Variants in IGF1R observed in about 807,000 individuals in gnomAD.
IGF1R encodes the protein insulin-like growth factor 1 receptor.
Under a neutral mutation model 144.6 loss-of-function variants are expected in IGF1R, and 44 were observed. That is an observed-to-expected ratio of 0.30 (90% CI 0.24 to 0.39). IGF1R has a LOEUF of 0.39. Ranked by LOEUF, IGF1R falls within the 10% of genes least tolerant of loss-of-function variation. The pLI, the probability that IGF1R is intolerant of heterozygous loss-of-function variation, is 1.00. For synonymous variants in IGF1R, 795 were observed against 722.8 expected (o/e 1.10, Z -1.60); for missense variants, 1,355 against 1,833.7 (o/e 0.74, Z 4.77).
intron 2 of IGF1R, among the ~76,000 whole-genome samples, chr15:98,768,403 T>G (rs2055490557): frequency 6.6e-6 from 1 of 151,360 alleles, no homozygotes; most frequent in Non-Finnish European, 1.5e-5. Context: ...GATCATGCTG[T>G]CAGGAGATCG....
At chr15:98,952,303 AACACACACACACAC>A (rs143223923) in intron 20 of IGF1R, among the ~76,000 whole-genome samples, 1 of 146,678 alleles carries the variant, frequency 6.8e-6, no homozygotes, top group East Asian at 2.0e-4. Context: ...GTACCCCACC[AACACACACACACAC>A]ACACACACAC....
chr15:98,691,933 A>G (rs933819633), intron 1 of IGF1R, among the ~76,000 whole-genome samples: 1 of 152,184 alleles, frequency 6.6e-6, no homozygotes, highest in African/African-American at 2.4e-5. Context: ...CTGTACACAT[A>G]TGCTCCTCCC....
intron 2 of IGF1R, among the ~76,000 whole-genome samples, chr15:98,828,866 T>A (rs756943559): frequency 9.2e-5 from 14 of 151,880 alleles, no homozygotes; most frequent in Non-Finnish European, 1.5e-4. Context: ...ATTTGTTCAT[T>A]TATATCCCAG....
intron 2 of IGF1R, among the ~76,000 whole-genome samples, chr15:98,767,329 G>T (rs1170133662): frequency 1.3e-5 from 2 of 152,140 alleles, no homozygotes; most frequent in African/African-American, 4.8e-5. Context: ...CTCATTCTGT[G>T]CTGCAGTTTG....
intron 15 of IGF1R, among the ~76,000 whole-genome samples, chr15:98,933,788 C>T (rs1041275124): frequency 6.6e-6 from 1 of 152,108 alleles, no homozygotes; most frequent in African/African-American, 2.4e-5. Context: ...AACGCCTCTG[C>T]CCGTCCGCTG....
At chr15:98,660,653 A>G (rs2052577983) in intron 1 of IGF1R, 1 of 152,224 alleles carries the variant, frequency 6.6e-6, no homozygotes, top group Non-Finnish European at 1.5e-5. Context: ...TGAAAGCAAT[A>G]AAATTATCTT....
At chr15:98,875,830 G>A (rs536830942) in intron 2 of IGF1R, among the ~76,000 whole-genome samples, 12 of 152,294 alleles carry the variant, frequency 7.9e-5, no homozygotes, top group South Asian at 2.1e-4. Flanking sequence ...CTCTCTAAGC[G>A]TGACCTCCTT....
chr15:98,650,251 C>T (rs367861516), intron 1 of IGF1R, among the ~76,000 whole-genome samples: 14 of 152,324 alleles, frequency 9.2e-5, no homozygotes, highest in African/African-American at 2.4e-4. Flanking sequence ...TCCAAGCGCC[C>T]GTCGCTGCCT....
intron 2 of IGF1R, among the ~76,000 whole-genome samples, chr15:98,726,770 A>C (rs2054372762): frequency 7.9e-6 from 1 of 126,506 alleles, no homozygotes. Flanking sequence ...CCCCGGCTGG[A>C]GTGCAATGGT....
chr15:98,912,425 T>A (rs1049710661), intron 7 of IGF1R, among the ~76,000 whole-genome samples: 1 of 152,220 alleles, frequency 6.6e-6, no homozygotes, highest in African/African-American at 2.4e-5. Context: ...TGTCCAGCCC[T>A]TTTAGCTGAT....
intron 2 of IGF1R, among the ~76,000 whole-genome samples, chr15:98,840,698 T>C (rs1198450830): frequency 7.0e-6 from 1 of 143,734 alleles, no homozygotes; most frequent in Admixed American, 7.0e-5. Context: ...TTTTTTGAGG[T>C]GGAGTCTTGC....
At chr15:98,826,366 A>T (rs1472521230) in intron 2 of IGF1R, among the ~76,000 whole-genome samples, 1 of 152,254 alleles carries the variant, frequency 6.6e-6, no homozygotes, top group Non-Finnish European at 1.5e-5. Context: ...CCATGTTGCA[A>T]CTTAAATATT....
At chr15:98,746,907 ACT>A (rs923610222) in intron 2 of IGF1R, among the ~76,000 whole-genome samples, 20 of 151,960 alleles carry the variant, frequency 1.3e-4, no homozygotes, top group Admixed American at 2.6e-4. Context: ...TGGCAAAGAA[ACT>A]CTGACACATG....
intron 2 of IGF1R, among the ~76,000 whole-genome samples, chr15:98,720,669 A>G (rs2054226644): frequency 6.6e-6 from 1 of 152,218 alleles, no homozygotes; most frequent in African/African-American, 2.4e-5. Flanking sequence ...TGGTTAGGGA[A>G]GGAGTTGAGA....
chr15:98,916,422 C>A, intron 9 of IGF1R: 1 of 563,236 alleles, frequency 1.8e-6, no homozygotes, highest in Non-Finnish European at 3.2e-6. Flanking sequence ...CCACCATGCC[C>A]AGCTAATTTT....
chr15:98,891,515 G>A lies in IGF1R; in HGVS notation c.831G>A (p.Val277=), dbSNP rs754913548. The stretch of plus-strand genomic sequence containing the variant: ...ACAGGTTTGAGGGCTGGCGCTGTGT[G>A]GACCGTGACTTCTGCGCCAACATCC... ...NTYRFEGWRC[V]DRDFCANILS... Residue 277 remains valine (V), a synonymous_variant, in exon 3 of 21, where the codon GTG becomes GTA. Transcript: ENST00000650285. The surrounding 1 kb of genome is among the most constrained non-coding windows in gnomAD (Gnocchi z 4.7). The A allele has an allele frequency of 1.1e-5, 17 of 1,613,464 alleles. 1 individual carries two copies. The South Asian group carries it at 1.6e-4, about 16-fold the overall frequency.
intron 2 of IGF1R, among the ~76,000 whole-genome samples, chr15:98,779,008 A>G (rs1374879870): frequency 1.3e-5 from 2 of 152,236 alleles, no homozygotes; most frequent in African/African-American, 2.4e-5. Context: ...AGTGCATAAT[A>G]CATTTTAAAT....
rs540586644 is a variant in IGF1R at position 98,649,776 on chromosome 15, GC to G, written c.94+106del. 1.5e-4 allele frequency: 137 copies of G among 893,490 alleles called. No individual in the cohort carries two copies. In the African/African-American group the frequency reaches 2.0e-3, roughly 13 times the overall value. 55.3% of individuals were successfully genotyped at this position (893,490 alleles called of 1,614,324 possible). The stretch of plus-strand genomic sequence containing the variant: ...GAGTTGCCACCGTCGCAGCTGTCGG[GC>G]CCCCGGGCTCGGGAGCGGCGGGGTG... On this transcript the variant is annotated intron_variant, in intron 1 of 20. Coordinates refer to ENST00000650285, the MANE Select transcript of IGF1R (RefSeq NM_000875.5).
intron 2 of IGF1R, among the ~76,000 whole-genome samples, chr15:98,716,822 ACTT>A (rs2054129256): frequency 6.6e-6 from 1 of 152,204 alleles, no homozygotes; most frequent in African/African-American, 2.4e-5. Context: ...AGGTTAGATC[ACTT>A]CTTCTGCGGG....
Sources: gnomAD v4.1 joint callset for allele counts (sites outside exome capture counted in the v4.1 genomes callset) on GRCh38, gnomAD v4.1.1 for gene constraint, Gnocchi (gnomAD v3.1) non-coding constraint, MANE v1.5 for transcripts, NCBI Gene and HGNC (gene_info 2026-07-23, HGNC 2026-07-21) for gene names.